The following TIMP2 variants were observed in gnomAD, a reference collection of about 807,000 sequenced individuals.
The protein encoded by TIMP2 is metalloproteinase inhibitor 2.
TIMP2 carries 5 observed loss-of-function variants against 24.3 expected under a neutral mutation model. The observed-to-expected ratio is 0.21, with a 90% confidence interval of 0.11 to 0.43. The LOEUF is 0.43. TIMP2 is among the 20% of genes least tolerant of loss of function. The probability of loss-of-function intolerance (pLI) is 1.00; values close to 1 mark genes in which losing one functional copy is unlikely to be tolerated. For missense variants in TIMP2, 221 were observed against 297.5 expected (o/e 0.74, Z 1.89); for synonymous variants, 130 against 123.2 (o/e 1.06, Z -0.37).
At position 78,924,001 on chromosome 17, in the gene TIMP2, G is replaced by A. The variant is rs1395357375; in HGVS notation, c.130+958C>T. Among the ~76,000 whole-genome samples, 1 of 152,182 alleles carries A rather than the reference G, an allele frequency of 6.6e-6. No individual in the cohort carries two copies. The highest frequency in any genetic ancestry group is 2.4e-5 in the African/African-American group (1 of 41,456). ...GGGCTCCGAGACCACCTGCCGTGTA[G>A]CCAGACTTGCCCCAGGAAAACCATG... On this transcript the variant is annotated intron_variant, in intron 1 of 4. Coordinates refer to ENST00000262768, the MANE Select transcript of TIMP2 (RefSeq NM_003255.5). This position sits in a 1 kb window ranked among gnomAD's most constrained non-coding sequence, Gnocchi z 5.3.
intron 1 of TIMP2, among the ~76,000 whole-genome samples, chr17:78,917,209 G>A (rs1203360257): frequency 7.7e-6 from 1 of 129,748 alleles, no homozygotes; most frequent in Non-Finnish European, 1.6e-5. Context: ...CCGAGATCCC[G>A]CCACTGCACT....
intron 1 of TIMP2, among the ~76,000 whole-genome samples, chr17:78,909,269 T>C (rs907609139): frequency 7.9e-5 from 12 of 152,096 alleles, no homozygotes; most frequent in African/African-American, 2.2e-4. Flanking sequence ...GTGGGAGGAC[T>C]GCTTGAGCCC....
Position 78,925,101 on chromosome 17 carries a change from G to C in TIMP2, c.-13C>G. The C allele has an allele frequency of 1.1e-6, 1 of 946,522 alleles. No individual in the cohort carries two copies. Among genetic ancestry groups the C allele is most frequent in the South Asian group, 4.7e-5 (1 of 21,222 alleles). The allele number at this position is 946,522 out of a possible 1,614,324, so 58.6% of individuals were successfully genotyped here. A position where few individuals can be genotyped will look rare whatever the true frequency, so the allele number is the denominator to read the frequency against. ...CCGCGGCGCCCATGGCGGGCCGGGGGGCTGGGCGGGCGGGGGCCGCCGCTG... is the reference window on the plus strand; with the variant it reads ...CCGCGGCGCCCATGGCGGGCCGGGGCGCTGGGCGGGCGGGGGCCGCCGCTG... On this transcript the variant is annotated 5_prime_UTR_variant, in exon 1 of 5. Transcript: ENST00000262768.
chr17:78,891,847 C>T lies in TIMP2; in HGVS notation c.131-17928G>A, dbSNP rs769548889. 1.3e-5 allele frequency: 20 copies of T among 1,550,574 alleles called. 1 individual carries two copies. The highest frequency in any genetic ancestry group is 5.5e-5 in the African/African-American group (4 of 73,036). On this transcript the variant is annotated intron_variant, in intron 1 of 4. Transcript: ENST00000262768. The surrounding 1 kb of genome is among the most constrained non-coding windows in gnomAD (Gnocchi z 4.5). ...CTGGCCTTCCCTTTCTCTTCTCAGG[C>T]GGGGCCAGGTGAGAATTCATCCGAC...
At chr17:78,895,608 T>C (rs1353756935) in intron 1 of TIMP2, among the ~76,000 whole-genome samples, 1 of 152,198 alleles carries the variant, frequency 6.6e-6, no homozygotes, top group East Asian at 1.9e-4. Context: ...ACTTACCCTA[T>C]GACCCAGAGA....
At chr17:78,876,406 G>C (rs1441086321) in intron 1 of TIMP2, among the ~76,000 whole-genome samples, 1 of 151,978 alleles carries the variant, frequency 6.6e-6, no homozygotes, top group Non-Finnish European at 1.5e-5. Context: ...CCCCTGCTAG[G>C]CTGGAGTGCA....
intron 1 of TIMP2, among the ~76,000 whole-genome samples, chr17:78,915,504 C>T (rs115818772): frequency 1.3e-3 from 184 of 145,708 alleles, no homozygotes; most frequent in African/African-American, 4.6e-3. Context: ...TTTTAAAAGC[C>T]GTCTCTCTCT....
At chr17:78,892,329 T>C (rs2069913788) in intron 1 of TIMP2, 1 of 1,550,658 alleles carries the variant, frequency 6.4e-7, no homozygotes, top group Non-Finnish European at 8.7e-7. Flanking sequence ...GCTCCATCCA[T>C]GTTTCTGTTC....
chr17:78,892,211 T>C (rs2069910304), intron 1 of TIMP2: 1 of 1,550,908 alleles, frequency 6.4e-7, no homozygotes. Flanking sequence ...CAGCTTGGCA[T>C]CCGCTCTTCT....
intron 1 of TIMP2, among the ~76,000 whole-genome samples, chr17:78,878,449 G>A (rs2069748437): frequency 2.6e-5 from 4 of 152,162 alleles, no homozygotes; most frequent in Admixed American, 2.6e-4. Flanking sequence ...TAGACAAGCA[G>A]GGCGAATTCT....
chr17:78,917,565 A>C (rs1040970768), intron 1 of TIMP2, among the ~76,000 whole-genome samples: 1 of 152,230 alleles, frequency 6.6e-6, no homozygotes, highest in African/African-American at 2.4e-5. Context: ...TAAGACATAG[A>C]CACCAGGCCC....
rs567095782 is a variant in TIMP2 at position 78,874,706 on chromosome 17, T to C, written c.131-787A>G. Among the ~76,000 whole-genome samples, 4 of 151,892 alleles carry C rather than the reference T, an allele frequency of 2.6e-5. No individual in the cohort carries two copies. The South Asian group carries it at 8.3e-4, about 32-fold the overall frequency. On this transcript the variant is annotated intron_variant, in intron 1 of 4. Coordinates refer to ENST00000262768, the MANE Select transcript of TIMP2 (RefSeq NM_003255.5). The stretch of plus-strand genomic sequence containing the variant: ...GATTCTCCTGCCTCAGCCTCTCAAG[T>C]AGCTGGGATTACAGGCGTCTGTCAC...
At chr17:78,889,003 C>G (rs1249357985) in intron 1 of TIMP2, among the ~76,000 whole-genome samples, 1 of 152,150 alleles carries the variant, frequency 6.6e-6, no homozygotes, top group Non-Finnish European at 1.5e-5. Context: ...GTACAGGGAT[C>G]AGCAAACTAT....
intron 3 of TIMP2, among the ~76,000 whole-genome samples, chr17:78,869,801 C>G (rs972250136): frequency 6.6e-6 from 1 of 152,154 alleles, no homozygotes; most frequent in Non-Finnish European, 1.5e-5. Flanking sequence ...GGAAATAGAG[C>G]GAGACTCTGT....
intron 1 of TIMP2, chr17:78,901,999 A>G (rs2070100699): frequency 3.4e-6 from 2 of 582,018 alleles, no homozygotes; most frequent in African/African-American, 1.9e-5. Flanking sequence ...TCTGAGTTCT[A>G]GCCTCTAAAA....
intron 1 of TIMP2, among the ~76,000 whole-genome samples, chr17:78,905,479 T>A (rs976640111): frequency 6.6e-6 from 1 of 152,248 alleles, no homozygotes; most frequent in Non-Finnish European, 1.5e-5. Context: ...TCGGAGAAGA[T>A]CCCTACATCT....
At chr17:78,916,345 C>G (rs2070257842) in intron 1 of TIMP2, among the ~76,000 whole-genome samples, 1 of 152,198 alleles carries the variant, frequency 6.6e-6, no homozygotes, top group South Asian at 2.1e-4. Context: ...CCTCAATGCT[C>G]CGTTTCCTGT....
intron 1 of TIMP2, among the ~76,000 whole-genome samples, chr17:78,886,397 T>C (rs930784707): frequency 4.6e-5 from 7 of 152,166 alleles, no homozygotes; most frequent in Admixed American, 6.5e-5. Flanking sequence ...TGGGCCCCAT[T>C]GTGGCCATGG....
In TIMP2 at chr17:78,920,219, A is replaced by G. The variant is rs2070298914; in HGVS notation, c.130+4740T>C. On this transcript the variant is annotated intron_variant, in intron 1 of 4. Coordinates refer to ENST00000262768, the MANE Select transcript of TIMP2 (RefSeq NM_003255.5). This position sits in a 1 kb window ranked among gnomAD's most constrained non-coding sequence, Gnocchi z 4.5. ...TCCATGTGCTCAGATGTCGCCACAG[A>G]GTCTGAACCTCTCAGCCCACACCAG... is the stretch of plus-strand genomic sequence containing the variant. Among the ~76,000 whole-genome samples the G allele has an allele frequency of 6.6e-6, 1 of 152,178 alleles. No individual in the cohort carries two copies. The highest frequency in any genetic ancestry group is 2.1e-4 in the South Asian group (1 of 4,834).
Sources: gnomAD v4.1 joint callset for allele counts (sites outside exome capture counted in the v4.1 genomes callset) on GRCh38, gnomAD v4.1.1 for gene constraint, Gnocchi (gnomAD v3.1) non-coding constraint, MANE v1.5 for transcripts, NCBI Gene and HGNC (gene_info 2026-07-23, HGNC 2026-07-21) for gene names.